STRA8: variants seen among roughly 807,000 people sequenced by gnomAD.
The protein encoded by STRA8 is stimulated by retinoic acid gene 8 protein homolog.
In STRA8, 18 loss-of-function variants were observed where a neutral mutation model predicts 37.1. That is an observed-to-expected ratio of 0.48 (90% CI 0.34 to 0.72). The LOEUF (loss-of-function observed/expected upper bound fraction) is 0.72, where lower values mean the gene tolerates loss of function less well. STRA8 is among the 30% of genes least tolerant of loss of function. STRA8 has a pLI of 0.01. For synonymous variants in STRA8, 168 were observed against 162.9 expected (o/e 1.03, Z -0.24); for missense variants, 357 against 410.4 (o/e 0.87, Z 1.13).
At chr7:135,245,908 T>C (rs1832544444) in intron 5 of STRA8, among the ~76,000 whole-genome samples, 2 of 152,088 alleles carry the variant, frequency 1.3e-5, no homozygotes, top group African/African-American at 4.8e-5. Flanking sequence ...GTAGGAAAGA[T>C]GGCGAATGGC....
upstream of STRA8, chr7:135,232,108 G>T: frequency 5.5e-6 from 8 of 1,451,740 alleles, no homozygotes; most frequent in Non-Finnish European, 5.8e-6. Flanking sequence ...GCTTGTGTGT[G>T]TGGCAGTGGT....
chr7:135,250,661 C>T (rs1832623557), intron 6 of STRA8, among the ~76,000 whole-genome samples: 1 of 152,206 alleles, frequency 6.6e-6, no homozygotes, highest in South Asian at 2.1e-4. Flanking sequence ...AACTCAGGGT[C>T]AGAGAACTTC....
intron 7 of STRA8, 78 bp downstream of exon 7, chr7:135,251,947 T>G: frequency 7.4e-7 from 1 of 1,342,882 alleles, no homozygotes; most frequent in South Asian, 1.2e-5. Context: ...TGTGTATGTG[T>G]GAGTTTGCAT....
chr7:135,243,172 C>T (rs1306689276), intron 3 of STRA8, among the ~76,000 whole-genome samples, 154 bp from the exon 4 acceptor site: 1 of 152,182 alleles, frequency 6.6e-6, no homozygotes, highest in African/African-American at 2.4e-5. Flanking sequence ...TCTCCCTTCA[C>T]ACCTAGAAGG....
chr7:135,239,454 G>C (rs1832427591), intron 1 of STRA8, among the ~76,000 whole-genome samples: 1 of 152,184 alleles, frequency 6.6e-6, no homozygotes, highest in Admixed American at 6.5e-5. Context: ...AGCTCAGCAG[G>C]GAGTAGACCT....
rs574482907 is a variant in STRA8, at chr7:135,254,339, G to A, written c.954-775G>A. Among the ~76,000 whole-genome samples, 28 of 152,326 alleles carry A rather than the reference G, an allele frequency of 1.8e-4. No homozygotes were observed. In the South Asian group the frequency reaches 5.8e-3, roughly 32 times the overall value. ...TTGCTGCCAGAGGGTTCCTCATCCC[G>A]GGAGGAAGTGAGGGCTGCCTGCTGA... On this transcript the variant is annotated intron_variant, in intron 7 of 8. Coordinates refer to ENST00000662584, the MANE Select transcript of STRA8 (RefSeq NM_001394401.1).
At position 135,246,398 on chromosome 7, in the gene STRA8, G is replaced by A. The variant is rs1403807775; in HGVS notation, c.594-19G>A. ...AGAGGGAGCTTTAGGGGTGCGAGACGGCGCCGCTTCTGTTCCAGGTATCTC... is the reference window on the plus strand; with the variant it reads ...AGAGGGAGCTTTAGGGGTGCGAGACAGCGCCGCTTCTGTTCCAGGTATCTC... On this transcript the variant is annotated intron_variant, in intron 5 of 8. Coordinates refer to ENST00000662584, the MANE Select transcript of STRA8 (RefSeq NM_001394401.1). The surrounding 1 kb of genome is among the most constrained non-coding windows in gnomAD (Gnocchi z 5.4). The A allele has an allele frequency of 6.3e-7, 1 of 1,589,170 alleles. No homozygotes were observed. The highest frequency in any genetic ancestry group is 8.6e-7 in the Non-Finnish European group (1 of 1,166,418).
chr7:135,246,331 G>A lies in STRA8; in HGVS notation c.594-86G>A, dbSNP rs145443877. On this transcript the variant is annotated intron_variant, in intron 5 of 8. Transcript: ENST00000662584. This position sits in a 1 kb window ranked among gnomAD's most constrained non-coding sequence, Gnocchi z 5.4. ...GCCGTGGCGCCGTGGCCGGGCCTGC[G>A]TGCTGGGGTCCACACCATGAACCGA... 99 of 1,536,406 alleles carry A rather than the reference G, an allele frequency of 6.4e-5. No individual in the cohort carries two copies. The African/African-American group carries it at 1.0e-3, about 16-fold the overall frequency.
At chr7:135,234,093 TGATGA>T (rs1832332689) in intron 1 of STRA8, among the ~76,000 whole-genome samples, 190 bp downstream of exon 1, 2 of 149,598 alleles carry the variant, frequency 1.3e-5, no homozygotes, top group South Asian at 4.2e-4. Context: ...ATGATGATGA[TGATGA>T]TGATGATTAT....
At position 135,243,330 on chromosome 7, in the gene STRA8, C is replaced by T. The variant is rs1487744067; in HGVS notation, c.273C>T (p.Ser91=). The T allele has an allele frequency of 6.2e-7, 1 of 1,614,010 alleles. No homozygotes were observed. The highest frequency in any genetic ancestry group is 1.3e-5 in the African/African-American group (1 of 74,936). Residue 91 remains serine (S), a synonymous_variant, in exon 4 of 9, where the codon TCC becomes TCT. Coordinates refer to ENST00000662584, the MANE Select transcript of STRA8 (RefSeq NM_001394401.1). ...TGGTCTTCAACTCCCCAATAGCATCCTTCAACCTGGAAGATGGGCATGCAA... is the reference window on the plus strand; with the variant it reads ...TGGTCTTCAACTCCCCAATAGCATCTTTCAACCTGGAAGATGGGCATGCAA... The part of the protein sequence containing the change: ...TLDNLLKLKA[S]FNLEDGHASS...
At position 135,253,013 on chromosome 7, in the gene STRA8, C is replaced by A. The variant is rs529505792; in HGVS notation, c.953+1144C>A. On this transcript the variant is annotated intron_variant, in intron 7 of 8. Coordinates refer to ENST00000662584, the MANE Select transcript of STRA8 (RefSeq NM_001394401.1). ...GCAGTGGTGTGATCTTGGCTCACTG[C>A]AACCTCCGCCTCCTGGGTTCAAGTG... 2.6e-5 allele frequency among the ~76,000 whole-genome samples: 4 copies of A among 152,242 alleles called. No homozygotes were observed. The South Asian group carries it at 8.3e-4, about 32-fold the overall frequency.
intron 6 of STRA8, among the ~76,000 whole-genome samples, chr7:135,251,133 G>A (rs1199713932): frequency 6.6e-6 from 1 of 152,156 alleles, no homozygotes; most frequent in African/African-American, 2.4e-5. Context: ...AGCAGATAAT[G>A]TTCAATTATG....
At chr7:135,241,040 A>T (rs73444260) in intron 2 of STRA8, among the ~76,000 whole-genome samples, 2,851 of 152,218 alleles carry the variant, frequency 0.019, 103 homozygotes, top group African/African-American at 0.064. Context: ...TTATAAGGGC[A>T]CCAATCACCT....
chr7:135,240,415 G>T, intron 1 of STRA8, 104 bp from the exon 2 acceptor site: 1 of 1,126,904 alleles, frequency 8.9e-7, no homozygotes. Flanking sequence ...CCTTTACTTG[G>T]GAAGGGTACC....
chr7:135,238,450 C>A (rs145927740), intron 1 of STRA8, among the ~76,000 whole-genome samples: 18 of 152,296 alleles, frequency 1.2e-4, no homozygotes, highest in Non-Finnish European at 2.2e-4. Flanking sequence ...TCAGGCTGAG[C>A]GTGTTTGGGC....
rs1352913488 is a variant in STRA8 at position 135,245,411 on chromosome 7, A to AGAG, written c.479_480insGGA (p.Glu178dup). ...AAGATCAAGAAGAAGAGGAGGAGGA[A>AGAG]GAAGAAGAGGAGGAGGAGGAAGAGG... On this transcript the variant is annotated inframe_insertion, in exon 5 of 9. Coordinates refer to ENST00000662584, the MANE Select transcript of STRA8 (RefSeq NM_001394401.1). 1.5e-5 allele frequency: 10 copies of AGAG among 689,270 alleles called. No homozygotes were observed. Among genetic ancestry groups the AGAG allele is most frequent in the Non-Finnish European group, 2.7e-5 (10 of 375,566 alleles). 42.7% of individuals were successfully genotyped at this position (689,270 alleles called of 1,614,324 possible).
At chr7:135,254,452 C>T (rs1288933995) in intron 7 of STRA8, among the ~76,000 whole-genome samples, 1 of 152,194 alleles carries the variant, frequency 6.6e-6, no homozygotes, top group Non-Finnish European at 1.5e-5. Flanking sequence ...CATTGCAGGG[C>T]CTGGCTCTTA....
rs767300268 is a variant in STRA8, at chr7:135,246,496, A to T, written c.673A>T (p.Ile225Phe). ...IITPQEAALPIVSAAISHLWQ... is the reference protein window; with the variant it reads ...IITPQEAALPFVSAAISHLWQ... ...TACCCCGCAGGAGGCGGCGCTGCCC[A>T]TCGTCTCCGCGGCCATCTCCCACCT... Residue 225 changes from isoleucine to phenylalanine, a missense_variant, in exon 6 of 9, where the codon ATC (isoleucine) becomes TTC (phenylalanine). Transcript: ENST00000662584. This position sits in a 1 kb window ranked among gnomAD's most constrained non-coding sequence, Gnocchi z 5.4. 1 of 1,580,136 alleles carries T rather than the reference A, an allele frequency of 6.3e-7. No individual in the cohort carries two copies. Among genetic ancestry groups the T allele is most frequent in the East Asian group, 2.3e-5 (1 of 42,846 alleles).
At position 135,255,130 on chromosome 7, in the gene STRA8, T is replaced by G. The variant is rs769818951; in HGVS notation, c.970T>G (p.Cys324Gly). Residue 324 changes from cysteine (C) to glycine (G), a missense_variant, in exon 8 of 9, where the codon TGC (cysteine) becomes GGC (glycine). By Grantham distance (159) the Cys-to-Gly change is radical (BLOSUM62 -3). Transcript: ENST00000662584. ...TSSSSSVLAS[C>G]NPENPEEKFQ... ...TGTTGTCAGTTCAGTGCTTGCCAGC[T>G]GCAACCCAGAAAACCCAGAGGAGAA... The G allele has an allele frequency of 1.2e-6, 2 of 1,614,056 alleles. No individual in the cohort carries two copies. Among genetic ancestry groups the G allele is most frequent in the Non-Finnish European group, 1.7e-6 (2 of 1,179,908 alleles).
Sources: gnomAD v4.1 joint callset for allele counts (sites outside exome capture counted in the v4.1 genomes callset) on GRCh38, gnomAD v4.1.1 for gene constraint, Gnocchi (gnomAD v3.1) non-coding constraint, MANE v1.5 for transcripts, NCBI Gene and HGNC (gene_info 2026-07-23, HGNC 2026-07-21) for gene names.